Variants in LRRIQ4 observed in about 807,000 individuals in gnomAD.
The protein encoded by LRRIQ4 is leucine-rich repeat and IQ domain-containing protein 4.
In LRRIQ4, 21 loss-of-function variants were observed where a neutral mutation model predicts 40.1. The ratio of observed to expected loss-of-function variants is 0.52; its 90% CI spans 0.37 to 0.75. The LOEUF (loss-of-function observed/expected upper bound fraction) is 0.75, where lower values mean the gene tolerates loss of function less well. Ranked by LOEUF, LRRIQ4 falls within the 30% of genes least tolerant of loss-of-function variation. The probability of loss-of-function intolerance (pLI) is 0.00; values close to 1 mark genes in which losing one functional copy is unlikely to be tolerated. For synonymous variants in LRRIQ4, 277 were observed against 277.1 expected (o/e 1.00, Z 0.00); for missense variants, 655 against 660.0 (o/e 0.99, Z 0.08).
At chr3:169,825,397 A>G (rs1447594135) in intron 2 of LRRIQ4, among the ~76,000 whole-genome samples, 1 of 152,186 alleles carries the variant, frequency 6.6e-6, no homozygotes, top group African/African-American at 2.4e-5. Flanking sequence ...GGAAGTAAAC[A>G]TTTTGATGGT....
At chr3:169,825,103 G>A (rs1177111862) in intron 2 of LRRIQ4, among the ~76,000 whole-genome samples, 2 of 150,960 alleles carry the variant, frequency 1.3e-5, no homozygotes, top group Admixed American at 6.6e-5. Flanking sequence ...CACCTCCCAG[G>A]TTCAAGCGAT....
intron 2 of LRRIQ4, among the ~76,000 whole-genome samples, chr3:169,827,719 T>A (rs929481613): frequency 7.8e-4 from 118 of 151,452 alleles, no homozygotes; most frequent in African/African-American, 2.7e-3. Flanking sequence ...TGTACTAAAG[T>A]AGGAAATCTG....
At chr3:169,831,359 T>C (rs1576769544) in intron 4 of LRRIQ4, among the ~76,000 whole-genome samples, 1 of 134,684 alleles carries the variant, frequency 7.4e-6, no homozygotes, top group African/African-American at 2.8e-5. Context: ...CTGCAAACTC[T>C]GCCTCCCGGG....
intron 5 of LRRIQ4, 137 bp from the exon 6 acceptor site, chr3:169,837,342 A>G (rs776576260): frequency 1.1e-4 from 114 of 1,018,906 alleles, no homozygotes; most frequent in Non-Finnish European, 1.5e-4. Context: ...AGAAAGATAG[A>G]AAATAAAATT....
chr3:169,827,333 T>A (rs1006361140), intron 2 of LRRIQ4, among the ~76,000 whole-genome samples: 1 of 151,810 alleles, frequency 6.6e-6, no homozygotes, highest in Admixed American at 6.6e-5. Context: ...TTTCGCCGGG[T>A]GCGGTGGCTC....
At chr3:169,829,964 C>T (rs146784457) in intron 3 of LRRIQ4, among the ~76,000 whole-genome samples, 1 of 152,274 alleles carries the variant, frequency 6.6e-6, no homozygotes, top group Non-Finnish European at 1.5e-5. Flanking sequence ...TCAGCTTTTC[C>T]TTTGTACCTG....
chr3:169,832,872 C>A, intron 4 of LRRIQ4, 115 bp from the exon 5 acceptor site: 1 of 876,616 alleles, frequency 1.1e-6, no homozygotes, highest in Non-Finnish European at 1.7e-6. Flanking sequence ...CATCCTTCCT[C>A]TCATTCCCTT....
At chr3:169,823,014 T>A in intron 2 of LRRIQ4, 73 bp downstream of exon 2, 1 of 1,307,978 alleles carries the variant, frequency 7.6e-7, no homozygotes, top group Non-Finnish European at 1.0e-6. Flanking sequence ...GTTCTGTATC[T>A]AAACAGCAAA....
rs1306209640 is a variant in LRRIQ4 at position 169,822,700 on chromosome 3, C to G, written c.779C>G (p.Thr260Arg). Reference sequence around the variant, plus strand: ...AGCTTCGCCGAGCTCAGGAAGATGACGGAAATCGGGCTGAGCGGGAACCGC... The same window carrying G: ...AGCTTCGCCGAGCTCAGGAAGATGAGGGAAATCGGGCTGAGCGGGAACCGC... The part of the protein sequence containing the change: ...PKSFAELRKM[T>R]EIGLSGNRLE... The change falls in exon 2 of 6, where the codon ACG becomes AGG. Residue 260 changes from threonine (T) to arginine (R), a missense_variant. By Grantham distance (71) the Thr-to-Arg change is moderately conservative. Transcript: ENST00000340806. The G allele has an allele frequency of 1.9e-6, 3 of 1,613,968 alleles. No homozygotes were observed. Among genetic ancestry groups the G allele is most frequent in the Admixed American group, 1.7e-5 (1 of 60,032 alleles).
At chr3:169,827,033 C>T (rs1006765629) in intron 2 of LRRIQ4, among the ~76,000 whole-genome samples, 2 of 152,154 alleles carry the variant, frequency 1.3e-5, no homozygotes, top group Admixed American at 6.5e-5. Flanking sequence ...TCACCAATTA[C>T]CTGTCTATTC....
chr3:169,834,179 T>C (rs956632628), intron 5 of LRRIQ4, among the ~76,000 whole-genome samples: 4 of 152,050 alleles, frequency 2.6e-5, no homozygotes, highest in African/African-American at 9.7e-5. Flanking sequence ...CTGACCAACA[T>C]GGTGAAACCC....
At position 169,822,252 on chromosome 3, in the gene LRRIQ4, C is replaced by T; in HGVS notation, c.331C>T (p.Leu111Phe). Residue 111 changes from leucine to phenylalanine, a missense_variant, in exon 2 of 6, where the codon CTT becomes TTT. Transcript: ENST00000340806. ...CTACAACCCCATCTTCTCCTCCTCCCTTGTCGTTGTCAGCTTCCTCCACGC... is the reference window on the plus strand; with the variant it reads ...CTACAACCCCATCTTCTCCTCCTCCTTTGTCGTTGTCAGCTTCCTCCACGC... The part of the protein sequence containing the change: ...LSYNPIFSSS[L>F]VVVSFLHALR... 5 of 1,609,224 alleles carry T rather than the reference C, an allele frequency of 3.1e-6. No homozygotes were observed. Among genetic ancestry groups the T allele is most frequent in the Non-Finnish European group, 4.2e-6 (5 of 1,178,078 alleles).
chr3:169,814,755 G>T (rs1779729862), intron 1 of LRRIQ4, among the ~76,000 whole-genome samples: 1 of 152,178 alleles, frequency 6.6e-6, no homozygotes, highest in South Asian at 2.1e-4. Context: ...AAAGTGCTGG[G>T]ATTACAGGCG....
intron 2 of LRRIQ4, among the ~76,000 whole-genome samples, chr3:169,827,395 C>T (rs1017529450): frequency 6.6e-5 from 10 of 151,966 alleles, no homozygotes; most frequent in Admixed American, 6.6e-4. Flanking sequence ...ACCACGAGGT[C>T]AGGAGATCGA....
chr3:169,815,819 C>T (rs1232995594), intron 1 of LRRIQ4, among the ~76,000 whole-genome samples: 1 of 152,210 alleles, frequency 6.6e-6, no homozygotes, highest in Non-Finnish European at 1.5e-5. Flanking sequence ...TCCATCTACT[C>T]CCAGTTTATT....
intron 2 of LRRIQ4, 77 bp downstream of exon 2, chr3:169,823,018 C>G: frequency 2.3e-6 from 3 of 1,288,360 alleles, no homozygotes; most frequent in Non-Finnish European, 3.1e-6. Flanking sequence ...TGTATCTAAA[C>G]AGCAAATTTG....
chr3:169,821,860 A>T, intron 1 of LRRIQ4, 31 bp from the exon 2 acceptor site: 1 of 1,224,338 alleles, frequency 8.2e-7, no homozygotes, highest in Non-Finnish European at 1.1e-6. Context: ...GGTAAATTCT[A>T]TTTTTTTTCA....
chr3:169,820,719 G>A (rs772000453), intron 1 of LRRIQ4, among the ~76,000 whole-genome samples: 3 of 152,064 alleles, frequency 2.0e-5, no homozygotes, highest in Non-Finnish European at 4.4e-5. Context: ...TTGTTTCTGG[G>A]TTGGGCTTTA....
At chr3:169,825,884 T>G (rs866672617) in intron 2 of LRRIQ4, among the ~76,000 whole-genome samples, 8 of 152,196 alleles carry the variant, frequency 5.3e-5, no homozygotes, top group South Asian at 2.1e-4. Context: ...CAATTTCCTC[T>G]TATGCTAATA....
Sources: allele counts gnomAD v4.1 joint callset (sites outside exome capture counted in the v4.1 genomes callset), GRCh38; gene constraint gnomAD v4.1.1; transcripts MANE v1.5; gene names NCBI Gene and HGNC (gene_info 2026-07-23, HGNC 2026-07-21).